ABLIM1: variants seen among roughly 807,000 people sequenced by gnomAD.
ABLIM1 encodes the protein actin-binding LIM protein 1.
Under a neutral mutation model 107.0 loss-of-function variants are expected in ABLIM1, and 40 were observed. That is an observed-to-expected ratio of 0.37 (90% confidence interval 0.29 to 0.49). The LOEUF is 0.49. ABLIM1 is among the 20% of genes least tolerant of loss of function. ABLIM1 has a pLI of 0.97. For missense variants in ABLIM1, 857 were observed against 1,008.5 expected (o/e 0.85, Z 2.04); for synonymous variants, 357 against 357.3 (o/e 1.00, Z 0.01).
chr10:114,531,937 C>T (rs546202792), intron 6 of ABLIM1, among the ~76,000 whole-genome samples: 2 of 152,154 alleles, frequency 1.3e-5, no homozygotes, highest in Non-Finnish European at 2.9e-5. Flanking sequence ...GTCTCAGCCT[C>T]CTGAGTAGCT....
At chr10:114,780,097 A>G in the ABLIM1 span, among the ~76,000 whole-genome samples, 1 of 152,148 alleles carries the variant, frequency 6.6e-6, no homozygotes, top group Admixed American at 6.5e-5. Flanking sequence ...AACTCTCTAT[A>G]AAAGCACTGC....
At chr10:114,767,819 G>A (rs1190470558) in intron 1 of ABLIM1, among the ~76,000 whole-genome samples, 1 of 152,142 alleles carries the variant, frequency 6.6e-6, no homozygotes, top group African/African-American at 2.4e-5. Flanking sequence ...CCAGACGCGC[G>A]GCGGGCACAG....
Position 114,608,193 on chromosome 10 carries a change from A to G in ABLIM1, c.245-6232T>C, listed in dbSNP as rs79042173. On this transcript the variant is annotated intron_variant, in intron 1 of 22. Transcript: ENST00000533213. The stretch of plus-strand genomic sequence containing the variant: ...CAGCCTGGCCAACATGGTAAGACCC[A>G]CCTCTACTAAAAATACAAAAATTAG... Among the ~76,000 whole-genome samples the G allele has an allele frequency of 9.1e-3, 1,391 of 152,140 alleles. 27 individuals are homozygous for G. The highest frequency in any genetic ancestry group is 0.032 in the African/African-American group (1,328 of 41,490).
intron 1 of ABLIM1, among the ~76,000 whole-genome samples, chr10:114,604,560 G>A (rs2140068981): frequency 6.6e-6 from 1 of 152,312 alleles, no homozygotes; most frequent in East Asian, 1.9e-4. Context: ...CAATGACTAG[G>A]AGTGGGAGTC....
At chr10:114,673,270 A>C (rs370324516) in intron 1 of ABLIM1, among the ~76,000 whole-genome samples, 1,608 of 143,774 alleles carry the variant, frequency 0.011, 27 homozygotes, top group African/African-American at 0.038. Flanking sequence ...AAAAAAAAAA[A>C]CAAAAAAAAA....
chr10:114,673,431 C>G (rs1221137733), intron 1 of ABLIM1, among the ~76,000 whole-genome samples: 1 of 152,216 alleles, frequency 6.6e-6, no homozygotes, highest in East Asian at 1.9e-4. Context: ...CACAGGCAGG[C>G]CCTTGTTCAT....
At chr10:114,451,486 G>T in intron 14 of ABLIM1, 138 bp downstream of exon 14, 1 of 812,158 alleles carries the variant, frequency 1.2e-6, no homozygotes. Context: ...CATCTTAGTA[G>T]ACCAGAAAGG....
chr10:114,485,325 C>A, intron 8 of ABLIM1: 2 of 1,612,876 alleles, frequency 1.2e-6, no homozygotes, highest in South Asian at 2.2e-5. Context: ...TCCTGTGCGT[C>A]GAATCAGACT....
At chr10:114,506,038 C>A (rs1002101874) in intron 6 of ABLIM1, among the ~76,000 whole-genome samples, 8 of 152,146 alleles carry the variant, frequency 5.3e-5, no homozygotes, top group African/African-American at 1.9e-4. Context: ...CTCCAGTAGT[C>A]CCTAATGTCT....
chr10:114,773,419 TC>T, the ABLIM1 span, among the ~76,000 whole-genome samples: 1 of 152,280 alleles, frequency 6.6e-6, no homozygotes, highest in East Asian at 1.9e-4. Context: ...CTATAATTGT[TC>T]ATTTAAAATT....
At position 114,631,231 on chromosome 10, in the gene ABLIM1, T is replaced by C. The variant is rs1244750680; in HGVS notation, c.244+26726A>G. On this transcript the variant is annotated intron_variant, in intron 1 of 22. Coordinates refer to ENST00000533213, the MANE Select transcript of ABLIM1 (RefSeq NM_002313.7). Reference sequence around the variant, plus strand: ...ATCATTCAATTCTGAAAAATGTACCTTCCATTTCAGGACCACGCCTAGTGC... The same window carrying C: ...ATCATTCAATTCTGAAAAATGTACCCTCCATTTCAGGACCACGCCTAGTGC... 3.9e-5 allele frequency among the ~76,000 whole-genome samples: 6 copies of C among 152,220 alleles called. No individual in the cohort carries two copies. The East Asian group carries it at 9.6e-4, about 24-fold the overall frequency.
intron 1 of ABLIM1, chr10:114,632,583 C>T (rs980916087): frequency 7.4e-5 from 73 of 985,290 alleles, no homozygotes; most frequent in Non-Finnish European, 8.6e-5. Context: ...ACGGCTGCTC[C>T]CCGCTATAAT....
intron 8 of ABLIM1, among the ~76,000 whole-genome samples, chr10:114,475,066 A>G (rs1299865665): frequency 2.6e-5 from 4 of 152,158 alleles, no homozygotes; most frequent in Non-Finnish European, 4.4e-5. Context: ...TATGTCTACT[A>G]GCGGCATGAG....
intron 6 of ABLIM1, among the ~76,000 whole-genome samples, chr10:114,534,031 C>G (rs10159807): frequency 0.41 from 61,718 of 152,046 alleles, 13,738 homozygotes; most frequent in Non-Finnish European, 0.51. Context: ...TCTTTTTCTG[C>G]TCCCCCAAGA....
In ABLIM1 at chr10:114,487,889, C is replaced by A. The variant is rs185051032; in HGVS notation, c.1041+69G>T. On this transcript the variant is annotated intron_variant, in intron 8 of 22. Transcript: ENST00000533213. ...AGTAATTTCACCTAAACCCTAGCCC[C>A]AAGAATTAGTGACCACGAGCGTATG... 3.2e-6 allele frequency: 5 copies of A among 1,575,102 alleles called. No homozygotes were observed. The East Asian group carries it at 6.7e-5, about 21-fold the overall frequency.
At chr10:114,791,616 C>T in the ABLIM1 span, among the ~76,000 whole-genome samples, 38 of 150,460 alleles carry the variant, frequency 2.5e-4, no homozygotes, top group African/African-American at 7.6e-4. Flanking sequence ...CCAGCCTGGA[C>T]GACAGAGCAA....
the ABLIM1 span, among the ~76,000 whole-genome samples, chr10:114,781,666 A>C: frequency 2.8e-5 from 1 of 35,578 alleles, no homozygotes; most frequent in Non-Finnish European, 6.8e-5. Flanking sequence ...ATATGCGTGT[A>C]TATATATATA....
rs74647555 is a variant in ABLIM1, at chr10:114,605,576, A to T, written c.245-3615T>A. On this transcript the variant is annotated intron_variant, in intron 1 of 22. Coordinates refer to ENST00000533213, the MANE Select transcript of ABLIM1 (RefSeq NM_002313.7). ...TTTCCACTGTACTGACTAGTCAATG[A>T]TTTACCCTGGAACTTGAGCAGACAC... 2.3e-3 allele frequency among the ~76,000 whole-genome samples: 354 copies of T among 152,296 alleles called. 3 individuals carry two copies. The highest frequency in any genetic ancestry group is 8.0e-3 in the African/African-American group (331 of 41,556).
At chr10:114,571,433 A>C (rs2071663901) in intron 3 of ABLIM1, 27 bp from the exon 4 acceptor site, 2 of 1,596,012 alleles carry the variant, frequency 1.3e-6, no homozygotes, top group Non-Finnish European at 1.7e-6. Flanking sequence ...ATCGCCCTCA[A>C]GGTTATTGCA....
Sources: gnomAD v4.1 joint callset for allele counts (sites outside exome capture counted in the v4.1 genomes callset) on GRCh38, gnomAD v4.1.1 for gene constraint, MANE v1.5 for transcripts, NCBI Gene and HGNC (gene_info 2026-07-23, HGNC 2026-07-21) for gene names.